STAG1: variants seen among roughly 807,000 people sequenced by gnomAD.
The protein encoded by STAG1 is STAG1 cohesin complex component.
Under a neutral mutation model 170.9 loss-of-function variants are expected in STAG1, and 26 were observed. That is an observed-to-expected ratio of 0.15 (90% CI 0.11 to 0.21). STAG1 has a LOEUF of 0.21. STAG1 is among the 10% of genes least tolerant of loss of function. The pLI is 1.00. For synonymous variants in STAG1, 514 were observed against 497.7 expected (o/e 1.03, Z -0.44); for missense variants, 964 against 1,509.5 (o/e 0.64, Z 5.99).
chr3:136,455,513 G>A (rs776516122), intron 13 of STAG1, among the ~76,000 whole-genome samples: 28 of 152,190 alleles, frequency 1.8e-4, no homozygotes, highest in Non-Finnish European at 3.5e-4. Flanking sequence ...TCCATCCCAC[G>A]GAACCACTGG....
intron 9 of STAG1, among the ~76,000 whole-genome samples, chr3:136,494,132 T>G (rs1231120927): frequency 6.6e-6 from 1 of 151,866 alleles, no homozygotes; most frequent in African/African-American, 2.4e-5. Flanking sequence ...ATTGGCCAGG[T>G]GTCGTGAAGC....
At chr3:136,357,932 G>C in intron 27 of STAG1, 84 bp from the exon 28 acceptor site, 1 of 1,182,096 alleles carries the variant, frequency 8.5e-7, no homozygotes, top group Non-Finnish European at 1.2e-6. Flanking sequence ...ATTTGTGAAG[G>C]TAGTAAAATT....
intron 13 of STAG1, among the ~76,000 whole-genome samples, chr3:136,454,126 ACT>A (rs2089030294): frequency 6.6e-6 from 1 of 152,044 alleles, no homozygotes; most frequent in South Asian, 2.1e-4. Flanking sequence ...ACACAGTCTC[ACT>A]CTGTCACCCA....
At chr3:136,359,909 A>G (rs561988113) in intron 26 of STAG1, among the ~76,000 whole-genome samples, 39 of 152,352 alleles carry the variant, frequency 2.6e-4, no homozygotes, top group African/African-American at 9.1e-4. Flanking sequence ...TACAGGAATG[A>G]CAATATATGA....
At chr3:136,548,224 C>T (rs1224891855) in intron 5 of STAG1, among the ~76,000 whole-genome samples, 1 of 151,848 alleles carries the variant, frequency 6.6e-6, no homozygotes, top group African/African-American at 2.4e-5. Context: ...GGTGGTCCTC[C>T]CACCTCACCT....
intron 9 of STAG1, among the ~76,000 whole-genome samples, chr3:136,494,800 A>G (rs762830770): frequency 2.6e-5 from 4 of 152,202 alleles, no homozygotes; most frequent in Non-Finnish European, 5.9e-5. Flanking sequence ...ATCTACACAA[A>G]ACTTAGTTAA....
intron 13 of STAG1, among the ~76,000 whole-genome samples, chr3:136,464,046 CAA>C (rs977444540): frequency 6.6e-6 from 1 of 150,836 alleles, no homozygotes; most frequent in African/African-American, 2.4e-5. Context: ...TTATGCTTTA[CAA>C]AAAAATAAGG....
chr3:136,695,875 TG>T (rs1202305659), intron 1 of STAG1, among the ~76,000 whole-genome samples: 5 of 99,914 alleles, frequency 5.0e-5, no homozygotes, highest in Non-Finnish European at 8.2e-5. Flanking sequence ...GGCGGGGGGA[TG>T]GGGAGGCCAC....
chr3:136,612,643 G>A (rs1017035268), intron 3 of STAG1, among the ~76,000 whole-genome samples: 1 of 152,208 alleles, frequency 6.6e-6, no homozygotes. Flanking sequence ...ACGTTCCACT[G>A]CACTCTCTCC....
In STAG1 at chr3:136,398,824, G is replaced by C. The variant is rs763199787; in HGVS notation, c.2202C>G (p.Val734=). The C allele has an allele frequency of 6.4e-7, 1 of 1,563,216 alleles. No individual in the cohort carries two copies. ...AATGGGAACACTGCAGTGCTTGCAC[G>C]ACTATCTGTATCAAATGAAAAAAAA... ...IEHGAMPEQI[V]VQALQCSHYS... is the part of the protein sequence containing the mutation. Residue 734 remains valine, a synonymous_variant, in exon 22 of 34, where the codon GTC becomes GTG. Coordinates refer to ENST00000383202, the MANE Select transcript of STAG1 (RefSeq NM_005862.3).
chr3:136,602,823 G>A (rs1938736031), intron 4 of STAG1, among the ~76,000 whole-genome samples: 1 of 152,098 alleles, frequency 6.6e-6, no homozygotes, highest in Admixed American at 6.6e-5. Context: ...CTGGGCAATG[G>A]AGCAAGACTC....
chr3:136,400,313 C>T (rs770813732), intron 21 of STAG1, among the ~76,000 whole-genome samples: 4 of 152,118 alleles, frequency 2.6e-5, no homozygotes, highest in Non-Finnish European at 5.9e-5. Flanking sequence ...CTGCAAACTC[C>T]ACCTACCGGG....
intron 6 of STAG1, among the ~76,000 whole-genome samples, chr3:136,526,816 TG>T (rs1258227559): frequency 2.6e-5 from 4 of 152,222 alleles, no homozygotes; most frequent in Non-Finnish European, 4.4e-5. Flanking sequence ...AGCATTTGTT[TG>T]TCTCTAAAGG....
At chr3:136,629,952 T>C (rs933639791) in intron 2 of STAG1, among the ~76,000 whole-genome samples, 2 of 151,868 alleles carry the variant, frequency 1.3e-5, no homozygotes, top group Non-Finnish European at 2.9e-5. Context: ...TCCCGGCACT[T>C]TGGGAGGCTG....
intron 15 of STAG1, 147 bp downstream of exon 15, chr3:136,443,140 T>C (rs1196249983): frequency 6.0e-6 from 3 of 502,796 alleles, no homozygotes; most frequent in Non-Finnish European, 1.0e-5. Context: ...GACACATCCT[T>C]ACTTGTTACA....
chr3:136,547,090 C>T (rs184200278), intron 5 of STAG1, among the ~76,000 whole-genome samples: 1 of 152,286 alleles, frequency 6.6e-6, no homozygotes, highest in African/African-American at 2.4e-5. Flanking sequence ...ATTTCAGTCT[C>T]AAGGAATTTT....
At chr3:136,574,486 A>G (rs1937385653) in intron 4 of STAG1, among the ~76,000 whole-genome samples, 1 of 152,184 alleles carries the variant, frequency 6.6e-6, no homozygotes, top group Non-Finnish European at 1.5e-5. Context: ...ATATACATAT[A>G]CACACATATA....
At chr3:136,439,389 GACACAC>G (rs753912835) in intron 15 of STAG1, among the ~76,000 whole-genome samples, 1,312 of 95,842 alleles carry the variant, frequency 0.014, 12 homozygotes, top group Middle Eastern at 0.062. Context: ...AACACCCCCC[GACACAC>G]ACACACACAC....
At chr3:136,523,882 T>C (rs1023287347) in intron 6 of STAG1, among the ~76,000 whole-genome samples, 2 of 152,172 alleles carry the variant, frequency 1.3e-5, no homozygotes, top group Non-Finnish European at 2.9e-5. Flanking sequence ...TTTTCTCAGG[T>C]TTGTCAAAGA....
Sources: gnomAD v4.1 joint callset for allele counts (sites outside exome capture counted in the v4.1 genomes callset) on GRCh38, gnomAD v4.1.1 for gene constraint, MANE v1.5 for transcripts, NCBI Gene and HGNC (gene_info 2026-07-23, HGNC 2026-07-21) for gene names.